Variants in OSTF1 observed in about 807,000 individuals in gnomAD.
The protein encoded by OSTF1 is osteoclast-stimulating factor 1.
Under a neutral mutation model 37.2 loss-of-function variants are expected in OSTF1, and 27 were observed. That is an observed-to-expected ratio of 0.73 (90% CI 0.54 to 1.00). The LOEUF is 1.00. OSTF1 is among the 50% of genes least tolerant of loss of function. The pLI is 0.00. For missense variants in OSTF1, 232 were observed against 253.8 expected (o/e 0.91, Z 0.58); for synonymous variants, 82 against 89.2 (o/e 0.92, Z 0.46).
chr9:75,098,901 C>T (rs1463425853), intron 1 of OSTF1, among the ~76,000 whole-genome samples: 1 of 152,226 alleles, frequency 6.6e-6, no homozygotes, highest in East Asian at 1.9e-4. Flanking sequence ...GCCAGCTATA[C>T]TGGCAGAAAC....
chr9:75,101,137 C>T lies in OSTF1; in HGVS notation c.34+12411C>T, dbSNP rs566112346. On this transcript the variant is annotated intron_variant, in intron 1 of 9. Transcript: ENST00000346234. ...TGACTTCTGCTTAGCCCCTCCTTCC[C>T]GTAAACAATCTCGACTCTCAGGACC... 3.9e-5 allele frequency among the ~76,000 whole-genome samples: 6 copies of T among 152,304 alleles called. No homozygotes were observed. In the East Asian group the frequency reaches 7.7e-4, roughly 20 times the overall value.
chr9:75,135,812 G>C (rs1415733289), intron 7 of OSTF1, among the ~76,000 whole-genome samples: 1 of 152,192 alleles, frequency 6.6e-6, no homozygotes, highest in Non-Finnish European at 1.5e-5. Flanking sequence ...AGTGCATTTA[G>C]GTTGTAGGAA....
rs1026006513 is a variant in OSTF1, at chr9:75,134,383, A to G, written c.396A>G (p.Glu132=). ...TGCTATTTACTCAACCAAATATTGA[A>G]CTGAACCAGCAGGTAAGACTGCTTA... ...VEMLFTQPNI[E]LNQQNKLGDT... is the part of the protein sequence containing the mutation. The change falls in exon 7 of 10, where the codon GAA becomes GAG. Residue 132 remains glutamate, a synonymous_variant. Transcript: ENST00000346234. 6.4e-7 allele frequency: 1 copy of G among 1,563,096 alleles called. No individual in the cohort carries two copies.
intron 9 of OSTF1, among the ~76,000 whole-genome samples, chr9:75,143,102 G>A (rs1460030946): frequency 1.3e-5 from 2 of 152,082 alleles, no homozygotes; most frequent in South Asian, 4.1e-4. Flanking sequence ...ACGATGCCCG[G>A]CTAATTTTTG....
intron 9 of OSTF1, among the ~76,000 whole-genome samples, chr9:75,145,598 G>T (rs79329445): frequency 1.3e-5 from 2 of 152,108 alleles, no homozygotes; most frequent in South Asian, 4.1e-4. Context: ...GTTTTGTTAC[G>T]CAGAGGAACA....
intron 1 of OSTF1, among the ~76,000 whole-genome samples, chr9:75,116,150 A>T (rs186686014): frequency 3.4e-4 from 51 of 152,032 alleles, no homozygotes; most frequent in Admixed American, 6.6e-4. Context: ...ACAAATAAAA[A>T]TTACAATATA....
chr9:75,109,658 G>T (rs1457195446), intron 1 of OSTF1, among the ~76,000 whole-genome samples: 1 of 152,142 alleles, frequency 6.6e-6, no homozygotes, highest in Non-Finnish European at 1.5e-5. Context: ...CAGTGAGGAG[G>T]GGTTATTTTT....
chr9:75,146,484 C>T (rs922711270), intron 9 of OSTF1, among the ~76,000 whole-genome samples, 199 bp from the exon 10 acceptor site: 12 of 152,152 alleles, frequency 7.9e-5, no homozygotes, highest in Admixed American at 5.2e-4. Flanking sequence ...GACTGTGGAA[C>T]GCATCATCAG....
intron 9 of OSTF1, among the ~76,000 whole-genome samples, chr9:75,145,911 A>G (rs1826016598): frequency 6.6e-6 from 1 of 152,186 alleles, no homozygotes. Context: ...TTCCTGCCCC[A>G]TACTTGGAAC....
At chr9:75,125,813 G>A (rs745548244) in intron 2 of OSTF1, among the ~76,000 whole-genome samples, 11 of 152,186 alleles carry the variant, frequency 7.2e-5, no homozygotes, top group Non-Finnish European at 1.2e-4. Flanking sequence ...TAAATAAATT[G>A]CTAGTGCAGA....
At chr9:75,091,081 C>CTTTTTTT (rs35343834) in intron 1 of OSTF1, among the ~76,000 whole-genome samples, 1 of 93,688 alleles carries the variant, frequency 1.1e-5, no homozygotes. Context: ...GAAGTCTGCA[C>CTTTTTTT]TTTTTTTTTT....
chr9:75,134,398 A>G lies in OSTF1; in HGVS notation c.408+3A>G, dbSNP rs1324070601. ...CAAATATTGAACTGAACCAGCAGGT[A>G]AGACTGCTTATTTGAAAATTATTTA... On this transcript the variant is annotated splice_donor_region_variant and intron_variant, in intron 7 of 9. Coordinates refer to ENST00000346234, the MANE Select transcript of OSTF1 (RefSeq NM_012383.5). 1.3e-6 allele frequency: 2 copies of G among 1,504,610 alleles called. No individual in the cohort carries two copies. Among genetic ancestry groups the G allele is most frequent in the Non-Finnish European group, 1.8e-6 (2 of 1,086,176 alleles). The allele number at this position is 1,504,610 out of a possible 1,614,324, so 93.2% of individuals were successfully genotyped here.
In OSTF1 at chr9:75,146,780, T is replaced by C; in HGVS notation, c.*39T>C. The C allele has an allele frequency of 6.8e-7, 1 of 1,471,936 alleles. No individual in the cohort carries two copies. The highest frequency in any genetic ancestry group is 1.4e-5 in the African/African-American group (1 of 71,040). The allele number at this position is 1,471,936 out of a possible 1,614,324, so 91.2% of individuals were successfully genotyped here. A position where few individuals can be genotyped will look rare whatever the true frequency, so the allele number is the denominator to read the frequency against. On this transcript the variant is annotated 3_prime_UTR_variant, in exon 10 of 10. Transcript: ENST00000346234. ...CTTTGAGATCTAAAACTTCTGTTGCTTTTGCCATTCCAAAACTTTGTCTTT... is the reference window on the plus strand; with the variant it reads ...CTTTGAGATCTAAAACTTCTGTTGCCTTTGCCATTCCAAAACTTTGTCTTT...
rs187805255 is a variant in OSTF1 at position 75,100,706 on chromosome 9, G to C, written c.34+11980G>C. On this transcript the variant is annotated intron_variant, in intron 1 of 9. Coordinates refer to ENST00000346234, the MANE Select transcript of OSTF1 (RefSeq NM_012383.5). ...ATATCAGGCCACTGTAGTCCAGCCT[G>C]GGCAACAGAGTGAGACTCGTCTCAA... Among the ~76,000 whole-genome samples, 69 of 151,578 alleles carry C rather than the reference G, an allele frequency of 4.6e-4. 1 individual carries two copies. In the East Asian group the frequency reaches 0.011, roughly 24 times the overall value.
chr9:75,101,127 C>G (rs1825184891), intron 1 of OSTF1, among the ~76,000 whole-genome samples: 2 of 152,054 alleles, frequency 1.3e-5, no homozygotes, highest in Admixed American at 6.6e-5. Context: ...TCTGCTTAGC[C>G]CCTCCTTCCC....
intron 7 of OSTF1, among the ~76,000 whole-genome samples, chr9:75,135,093 C>G (rs1339994532): frequency 1.3e-5 from 2 of 152,190 alleles, no homozygotes; most frequent in Non-Finnish European, 2.9e-5. Context: ...GGAACCCCTT[C>G]CGTTCTCTGC....
chr9:75,098,496 C>G (rs1825129103), intron 1 of OSTF1, among the ~76,000 whole-genome samples: 1 of 151,962 alleles, frequency 6.6e-6, no homozygotes, highest in South Asian at 2.1e-4. Flanking sequence ...ATGTCTGGGG[C>G]TTTATATGCA....
At chr9:75,117,927 C>G (rs1825518239) in intron 2 of OSTF1, among the ~76,000 whole-genome samples, 1 of 152,230 alleles carries the variant, frequency 6.6e-6, no homozygotes, top group Non-Finnish European at 1.5e-5. Context: ...CTACTGCTAA[C>G]CTTCCAGAAC....
chr9:75,115,891 G>A (rs1176242396), intron 1 of OSTF1, among the ~76,000 whole-genome samples: 1 of 152,038 alleles, frequency 6.6e-6, no homozygotes, highest in Non-Finnish European at 1.5e-5. Flanking sequence ...ATCGCTTGAA[G>A]TCAGGAGTTG....
Sources: allele counts gnomAD v4.1 joint callset (sites outside exome capture counted in the v4.1 genomes callset), GRCh38; gene constraint gnomAD v4.1.1; transcripts MANE v1.5; gene names NCBI Gene and HGNC (gene_info 2026-07-23, HGNC 2026-07-21).